The following KIAA1549L variants were observed in gnomAD, a reference collection of about 807,000 sequenced individuals.
The protein encoded by KIAA1549L is KIAA1549 like, also known as UPF0606 protein KIAA1549L.
In KIAA1549L, 88 loss-of-function variants were observed where a neutral mutation model predicts 160.7. The ratio of observed to expected loss-of-function variants is 0.55; its 90% CI spans 0.46 to 0.65. KIAA1549L has a LOEUF of 0.65. Ranked by LOEUF, KIAA1549L falls within the 30% of genes least tolerant of loss-of-function variation. The pLI, the probability that KIAA1549L is intolerant of heterozygous loss-of-function variation, is 0.00. For synonymous variants in KIAA1549L, 950 were observed against 976.7 expected (o/e 0.97, Z 0.51); for missense variants, 2,258 against 2,437.5 (o/e 0.93, Z 1.55).
At chr11:33,585,227 T>G (rs996380772) in intron 11 of KIAA1549L, among the ~76,000 whole-genome samples, 1 of 151,948 alleles carries the variant, frequency 6.6e-6, no homozygotes, top group Non-Finnish European at 1.5e-5. Flanking sequence ...CTTCCAAGAG[T>G]GTGCATTTTG....
intron 11 of KIAA1549L, among the ~76,000 whole-genome samples, chr11:33,584,558 TACTA>T (rs1221036344): frequency 6.6e-6 from 1 of 152,380 alleles, no homozygotes. Flanking sequence ...GAGGGAAATA[TACTA>T]ACTGTCATAC....
In KIAA1549L at chr11:33,551,193, C is replaced by G. The variant is rs748819625; in HGVS notation, c.3655C>G (p.Gln1219Glu). 7.4e-6 allele frequency: 12 copies of G among 1,613,822 alleles called. 1 individual carries two copies. In the South Asian group the frequency reaches 1.2e-4, roughly 16 times the overall value. The change falls in exon 5 of 21, where the codon CAG becomes GAG. Residue 1219 changes from glutamine to glutamate, a missense_variant. By Grantham distance (29) the Gln-to-Glu change is conservative. Transcript: ENST00000658780. ...ADLKQHTPHLQSVAVLASPWN... is the reference protein window; with the variant it reads ...ADLKQHTPHLESVAVLASPWN... ...CCTGAAGCAACACACCCCACACTTA[C>G]AGTCTGTGGCAGTACTTGCCTCCCC...
At chr11:33,393,420 G>T (rs1260001451) in intron 1 of KIAA1549L, among the ~76,000 whole-genome samples, 1 of 152,140 alleles carries the variant, frequency 6.6e-6, no homozygotes, top group Non-Finnish European at 1.5e-5. Context: ...CTGTGAACTC[G>T]TCAGAGCAGT....
intron 11 of KIAA1549L, 109 bp downstream of exon 11, chr11:33,583,610 G>A: frequency 1.0e-6 from 1 of 985,748 alleles, no homozygotes; most frequent in East Asian, 2.7e-5. Context: ...GAAACATCAG[G>A]GCAGGTCCTC....
chr11:33,505,163 C>T (rs1327501756), intron 1 of KIAA1549L, among the ~76,000 whole-genome samples: 2 of 152,226 alleles, frequency 1.3e-5, no homozygotes, highest in African/African-American at 4.8e-5. Context: ...GAAGTCAGAG[C>T]TGTTTCCTTC....
rs571234623 is a variant in KIAA1549L, at chr11:33,493,639, T to G, written c.239-48163T>G. On this transcript the variant is annotated intron_variant, in intron 1 of 20. Coordinates refer to ENST00000658780, the MANE Select transcript of KIAA1549L (RefSeq NM_012194.3). ...AAATTGTTGCTTTTATATGTAGAAA[T>G]AATGATGGAGAATTGTCATTTTAGT... 2.0e-5 allele frequency among the ~76,000 whole-genome samples: 3 copies of G among 152,350 alleles called. No homozygotes were observed. The East Asian group carries it at 5.8e-4, about 29-fold the overall frequency.
chr11:33,602,969 C>G (rs1339873231), intron 13 of KIAA1549L, among the ~76,000 whole-genome samples: 1 of 152,150 alleles, frequency 6.6e-6, no homozygotes, highest in African/African-American at 2.4e-5. Context: ...TAATGCTATG[C>G]TGCCCACCTT....
At chr11:33,497,574 CTTTA>C (rs1370385031) in intron 1 of KIAA1549L, among the ~76,000 whole-genome samples, 1 of 152,140 alleles carries the variant, frequency 6.6e-6, no homozygotes, top group Non-Finnish European at 1.5e-5. Flanking sequence ...TAAACATTGT[CTTTA>C]TTTATTTGGT....
At chr11:33,471,110 C>T (rs921814677) in intron 1 of KIAA1549L, among the ~76,000 whole-genome samples, 29 of 152,130 alleles carry the variant, frequency 1.9e-4, no homozygotes, top group Non-Finnish European at 2.9e-5. Context: ...CATGCCGCTG[C>T]ACCTGGCTAA....
At chr11:33,444,238 C>G (rs1199744417) in intron 1 of KIAA1549L, among the ~76,000 whole-genome samples, 1 of 152,166 alleles carries the variant, frequency 6.6e-6, no homozygotes, top group Non-Finnish European at 1.5e-5. Flanking sequence ...GAACATTGAA[C>G]TGCTTCAAAT....
chr11:33,518,782 C>A (rs1434998863), intron 1 of KIAA1549L, among the ~76,000 whole-genome samples: 4 of 152,250 alleles, frequency 2.6e-5, no homozygotes, highest in Non-Finnish European at 5.9e-5. Flanking sequence ...GTTCTTCTGG[C>A]ATTGATTTAA....
chr11:33,381,904 AC>A (rs1850080793), intron 1 of KIAA1549L, among the ~76,000 whole-genome samples: 1 of 152,234 alleles, frequency 6.6e-6, no homozygotes, highest in African/African-American at 2.4e-5. Context: ...GGCTCAAGCA[AC>A]TGGGAAGATG....
intron 1 of KIAA1549L, among the ~76,000 whole-genome samples, chr11:33,468,182 A>G (rs1172014741): frequency 6.6e-6 from 1 of 152,260 alleles, no homozygotes; most frequent in African/African-American, 2.4e-5. Context: ...TCGATTGGCA[A>G]GTATTACACT....
chr11:33,525,599 T>C lies in KIAA1549L; in HGVS notation c.239-16203T>C, dbSNP rs115604303. Among the ~76,000 whole-genome samples the C allele has an allele frequency of 1.5e-3, 192 of 127,646 alleles. 1 individual carries two copies. Among genetic ancestry groups the C allele is most frequent in the African/African-American group, 5.3e-3 (189 of 35,450 alleles). 83.7% of individuals were successfully genotyped at this position (127,646 alleles called of 152,430 possible). On this transcript the variant is annotated intron_variant, in intron 1 of 20. Coordinates refer to ENST00000658780, the MANE Select transcript of KIAA1549L (RefSeq NM_012194.3). ...GTAGAATCTGGTCGGGGTCGGGGGG[T>C]GGGGACAAATTGGAAGTGCATATAT...
chr11:33,447,229 A>G lies in KIAA1549L; in HGVS notation c.238+70340A>G, dbSNP rs188376253. Reference sequence around the variant, plus strand: ...TTGAGAATGAACATAGCACACCCTGAACGCTTGAAGTACATCTCTTGGCCT... The same window carrying G: ...TTGAGAATGAACATAGCACACCCTGGACGCTTGAAGTACATCTCTTGGCCT... On this transcript the variant is annotated intron_variant, in intron 1 of 20. Coordinates refer to ENST00000658780, the MANE Select transcript of KIAA1549L (RefSeq NM_012194.3). Among the ~76,000 whole-genome samples, 31 of 149,600 alleles carry G rather than the reference A, an allele frequency of 2.1e-4. 3 individuals carry two copies. In the East Asian group the frequency reaches 6.0e-3, roughly 29 times the overall value.
At position 33,637,141 on chromosome 11, in the gene KIAA1549L, G is replaced by A. The variant is rs11825295; in HGVS notation, c.5410-8545G>A. On this transcript the variant is annotated intron_variant, in intron 16 of 20. Coordinates refer to ENST00000658780, the MANE Select transcript of KIAA1549L (RefSeq NM_012194.3). ...CCATTAAGGAGACCCATGTAGCACA[G>A]TTCCTCTTGTTGGTAAAGAGTCTTG... 7.5e-3 allele frequency among the ~76,000 whole-genome samples: 1,136 copies of A among 152,290 alleles called. 11 individuals carry two copies. Among genetic ancestry groups the A allele is most frequent in the African/African-American group, 0.018 (746 of 41,548 alleles).
intron 1 of KIAA1549L, among the ~76,000 whole-genome samples, chr11:33,508,271 T>G (rs1394848846): frequency 6.6e-6 from 1 of 152,204 alleles, no homozygotes; most frequent in East Asian, 1.9e-4. Context: ...AGCAAGCCAG[T>G]TGACATTATC....
chr11:33,525,225 A>G (rs1853585481), intron 1 of KIAA1549L, among the ~76,000 whole-genome samples: 1 of 152,168 alleles, frequency 6.6e-6, no homozygotes, highest in Non-Finnish European at 1.5e-5. Flanking sequence ...ACTCTGTAAG[A>G]CAGCCCAAAA....
intron 1 of KIAA1549L, among the ~76,000 whole-genome samples, chr11:33,406,883 A>C (rs1340913277): frequency 6.6e-6 from 1 of 152,124 alleles, no homozygotes; most frequent in Non-Finnish European, 1.5e-5. Context: ...AGACCTACTT[A>C]GATTGGCTCC....
Sources: gnomAD v4.1 joint callset for allele counts (sites outside exome capture counted in the v4.1 genomes callset) on GRCh38, gnomAD v4.1.1 for gene constraint, MANE v1.5 for transcripts, NCBI Gene and HGNC (gene_info 2026-07-23, HGNC 2026-07-21) for gene names.